Variants in DIAPH3 observed in about 807,000 individuals in gnomAD.
DIAPH3 encodes the protein protein diaphanous homolog 3.
Under a neutral mutation model 144.3 loss-of-function variants are expected in DIAPH3, and 117 were observed. The ratio of observed to expected loss-of-function variants is 0.81; its 90% CI spans 0.70 to 0.95. DIAPH3 has a LOEUF of 0.95. DIAPH3 is among the 40% of genes least tolerant of loss of function. The pLI is 0.00. For synonymous variants in DIAPH3, 519 were observed against 488.9 expected (o/e 1.06, Z -0.81); for missense variants, 1,421 against 1,412.7 (o/e 1.01, Z -0.09).
At chr13:59,925,866 T>C (rs1311565688) in intron 17 of DIAPH3, among the ~76,000 whole-genome samples, 1 of 152,190 alleles carries the variant, frequency 6.6e-6, no homozygotes, top group Non-Finnish European at 1.5e-5. Flanking sequence ...GTGGTATCAG[T>C]TGTAATATCT....
intron 21 of DIAPH3, among the ~76,000 whole-genome samples, chr13:59,863,492 T>C: frequency 6.6e-6 from 1 of 152,072 alleles, no homozygotes; most frequent in East Asian, 1.9e-4. Context: ...CAAATAACTG[T>C]TAAAGTCCAG....
intron 5 of DIAPH3, among the ~76,000 whole-genome samples, chr13:60,041,011 G>A (rs773052321): frequency 3.3e-5 from 5 of 151,978 alleles, no homozygotes; most frequent in African/African-American, 4.8e-5. Context: ...ACGGGGTTTC[G>A]CCATGTTAGC....
intron 4 of DIAPH3, among the ~76,000 whole-genome samples, chr13:60,049,229 A>T (rs192081164): frequency 4.6e-5 from 7 of 152,300 alleles, no homozygotes; most frequent in Admixed American, 3.3e-4. Context: ...TTTCTCTAGG[A>T]CCATTACAAT....
chr13:60,143,628 A>T (rs776798710), intron 1 of DIAPH3, among the ~76,000 whole-genome samples: 10 of 152,098 alleles, frequency 6.6e-5, no homozygotes, highest in Non-Finnish European at 1.5e-4. Context: ...GGGCCCCATA[A>T]CCAGTCTGTA....
chr13:59,803,936 C>G (rs1195915721), intron 25 of DIAPH3, among the ~76,000 whole-genome samples: 1 of 152,196 alleles, frequency 6.6e-6, no homozygotes, highest in African/African-American at 2.4e-5. Flanking sequence ...TTACATGGTA[C>G]AGTTGGTGGA....
At chr13:60,030,282 C>T (rs867588845) in intron 5 of DIAPH3, among the ~76,000 whole-genome samples, 5 of 152,242 alleles carry the variant, frequency 3.3e-5, no homozygotes, top group South Asian at 4.1e-4. Context: ...ATTACAAAAT[C>T]CTGTGCTATA....
At chr13:60,145,163 G>A (rs1951445847) in intron 1 of DIAPH3, among the ~76,000 whole-genome samples, 1 of 152,114 alleles carries the variant, frequency 6.6e-6, no homozygotes, top group Non-Finnish European at 1.5e-5. Context: ...ACCTAGGCTG[G>A]GAATGAGTCA....
chr13:60,144,563 A>G (rs1594773750), intron 1 of DIAPH3: 1 of 152,220 alleles, frequency 6.6e-6, no homozygotes, highest in East Asian at 1.9e-4. Context: ...TATAAACCCA[A>G]GCAGAGCCAA....
intron 17 of DIAPH3, among the ~76,000 whole-genome samples, chr13:59,953,945 C>T (rs1463768043): frequency 6.6e-6 from 1 of 152,162 alleles, no homozygotes; most frequent in African/African-American, 2.4e-5. Flanking sequence ...AAATGAAAGG[C>T]TATCGCTGTT....
chr13:59,696,922 A>C (rs1051866678), intron 27 of DIAPH3, among the ~76,000 whole-genome samples: 1 of 152,106 alleles, frequency 6.6e-6, no homozygotes, highest in African/African-American at 2.4e-5. Context: ...ATAAACTTTT[A>C]ATTGTATTTC....
intron 5 of DIAPH3, among the ~76,000 whole-genome samples, chr13:60,019,235 G>C (rs568009923): frequency 6.6e-6 from 1 of 152,190 alleles, no homozygotes; most frequent in South Asian, 2.1e-4. Context: ...ATTATCAACT[G>C]ATCTATAAAT....
rs745312036 is a variant in DIAPH3, at chr13:59,783,547, TG to T, written c.3164-8725del. Among the ~76,000 whole-genome samples the T allele has an allele frequency of 7.2e-5, 11 of 152,330 alleles. No individual in the cohort carries two copies. The South Asian group carries it at 2.3e-3, about 32-fold the overall frequency. On this transcript the variant is annotated intron_variant, in intron 25 of 27. Coordinates refer to ENST00000400324, the MANE Select transcript of DIAPH3 (RefSeq NM_001042517.2). ...TCAACTTAGAAGCATAGGTCGTACC[TG>T]AAACTATGGAAAAGAGTACAAGCAT...
At chr13:59,992,214 G>A (rs1309439870) in intron 10 of DIAPH3, 28 bp from the exon 11 acceptor site, 5 of 1,540,890 alleles carry the variant, frequency 3.2e-6, no homozygotes, top group Non-Finnish European at 3.6e-6. Context: ...AAATTATGAT[G>A]AATGATTTTG....
At chr13:59,962,741 T>G (rs969700022) in intron 17 of DIAPH3, among the ~76,000 whole-genome samples, 44 of 151,998 alleles carry the variant, frequency 2.9e-4, no homozygotes, top group Non-Finnish European at 1.2e-4. Context: ...CACTCCAGCA[T>G]CTCTGTGTCT....
intron 4 of DIAPH3, among the ~76,000 whole-genome samples, chr13:60,077,015 T>A (rs2057402750): frequency 1.3e-5 from 2 of 152,136 alleles, no homozygotes; most frequent in Non-Finnish European, 2.9e-5. Context: ...ACAAATTATT[T>A]CACACTAAAG....
chr13:59,944,604 T>A (rs925110898), intron 17 of DIAPH3, among the ~76,000 whole-genome samples: 3 of 152,278 alleles, frequency 2.0e-5, no homozygotes, highest in African/African-American at 4.8e-5. Context: ...GGAAGCAGAA[T>A]CGTAAGGACT....
chr13:59,880,794 C>T (rs9570223), intron 20 of DIAPH3, among the ~76,000 whole-genome samples: 61,863 of 151,394 alleles, frequency 0.41, 14,444 homozygotes, highest in Non-Finnish European at 0.52. Context: ...ATATAAATAT[C>T]TAATTTATAC....
At chr13:60,053,520 A>G (rs2056440216) in intron 4 of DIAPH3, among the ~76,000 whole-genome samples, 1 of 152,086 alleles carries the variant, frequency 6.6e-6, no homozygotes, top group East Asian at 1.9e-4. Context: ...AAAGTAATAT[A>G]CCCTTTCCCA....
chr13:60,129,721 T>C (rs775201750), intron 2 of DIAPH3, among the ~76,000 whole-genome samples: 5 of 152,184 alleles, frequency 3.3e-5, no homozygotes, highest in African/African-American at 7.2e-5. Context: ...GCAATGTGTA[T>C]GTTGTAAGGG....
Sources: gnomAD v4.1 joint callset for allele counts (sites outside exome capture counted in the v4.1 genomes callset) on GRCh38, gnomAD v4.1.1 for gene constraint, MANE v1.5 for transcripts, NCBI Gene and HGNC (gene_info 2026-07-23, HGNC 2026-07-21) for gene names.